The following OR5P3 variants were observed in gnomAD, a reference collection of about 807,000 sequenced individuals.
OR5P3 encodes olfactory receptor 5P3.
For synonymous variants in OR5P3, 172 were observed against 141.8 expected, an observed-to-expected ratio of 1.21 and a Z score of -1.51; for missense variants, 415 against 375.6, an observed-to-expected ratio of 1.10 and a Z score of -0.87.
At chr11:7,826,238 A>G (rs1360761934) in intron 1 of OR5P3, among the ~76,000 whole-genome samples, 1 of 151,404 alleles carries the variant, frequency 6.6e-6, no homozygotes, top group Non-Finnish European at 1.5e-5. Context: ...CTCGTATTGG[A>G]TGGTTAATTT....
In OR5P3 at chr11:7,825,306, T is replaced by A. The variant is rs370988647; in HGVS notation, c.667A>T (p.Ile223Phe). 1.4e-5 allele frequency: 23 copies of A among 1,613,024 alleles called. No individual in the cohort carries two copies. Among genetic ancestry groups the A allele is most frequent in the Non-Finnish European group, 1.9e-5 (23 of 1,180,032 alleles). The change falls in exon 2 of 2, where the codon ATC becomes TTC. Residue 223 changes from isoleucine to phenylalanine, a missense_variant. By Grantham distance (21) the Ile-to-Phe change is conservative. Coordinates refer to ENST00000641167, the MANE Select transcript of OR5P3 (RefSeq NM_153445.2). The stretch of plus-strand genomic sequence containing the variant: ...GTGGAGTGCATCTTCAGGATGGTGA[T>A]GAGGATATAGATGTAGGATATGGCT... Reference protein sequence around the residue: ...VIAISYIYILITILKMHSTKG... With the variant: ...VIAISYIYILFTILKMHSTKG...
chr11:7,826,240 G>A (rs1857740873), intron 1 of OR5P3, among the ~76,000 whole-genome samples: 1 of 151,678 alleles, frequency 6.6e-6, no homozygotes, highest in South Asian at 2.1e-4. Flanking sequence ...CGTATTGGAT[G>A]GTTAATTTAG....
Position 7,825,408 on chromosome 11 carries a change from A to G in OR5P3, c.565T>C (p.Cys189Arg), listed in dbSNP as rs1158149719. Residue 189 changes from cysteine (C) to arginine (R), a missense_variant, in exon 2 of 2, where the codon TGT (cysteine) becomes CGT (arginine). Physicochemically the swap from Cys to Arg is radical, Grantham distance 180. Transcript: ENST00000641167. ...ATTTCAAAAGTAAAATCATGGGAAC[A>G]AGCAAGCTTCAAAAGTGGTGAATAG... ...CDYSPLLKLA[C>R]SHDFTFEIIP... The G allele has an allele frequency of 3.7e-6, 6 of 1,613,278 alleles. No individual in the cohort carries two copies. The East Asian group carries it at 8.9e-5, about 24-fold the overall frequency.
intron 1 of OR5P3, among the ~76,000 whole-genome samples, chr11:7,828,902 G>C (rs1243976091): frequency 6.6e-6 from 1 of 152,124 alleles, no homozygotes; most frequent in East Asian, 1.9e-4. Context: ...GCTAGAAATA[G>C]AGAACATCTT....
intron 1 of OR5P3, among the ~76,000 whole-genome samples, chr11:7,826,483 A>C (rs552908608): frequency 5.9e-5 from 9 of 152,222 alleles, no homozygotes; most frequent in Non-Finnish European, 1.5e-5. Flanking sequence ...GATTAGCTGC[A>C]TGCTAATCCA....
Position 7,824,922 on chromosome 11 carries a change from T to C in OR5P3, c.*115A>G. ...CTTCCCTCCTGATTGACTAAAAAGC[T>C]CCACACTGGGTAATGGTCTATGGAC... On this transcript the variant is annotated 3_prime_UTR_variant, in exon 2 of 2. Coordinates refer to ENST00000641167, the MANE Select transcript of OR5P3 (RefSeq NM_153445.2). 1.5e-6 allele frequency: 1 copy of C among 688,686 alleles called. No homozygotes were observed. Among genetic ancestry groups the C allele is most frequent in the East Asian group, 3.1e-5 (1 of 32,180 alleles). 42.7% of individuals were successfully genotyped at this position (688,686 alleles called of 1,614,324 possible).
Position 7,825,348 on chromosome 11 carries a change from C to T in OR5P3, c.625G>A (p.Ala209Thr), listed in dbSNP as rs376020753. The change falls in exon 2 of 2, where the codon GCC becomes ACC. Residue 209 changes from alanine to threonine, a missense_variant. Coordinates refer to ENST00000641167, the MANE Select transcript of OR5P3 (RefSeq NM_153445.2). ...GATATGGCTATGACACACACAGTGG[C>T]CACAATGATAGATCCAGAAGAGATA... Reference protein sequence around the residue: ...PAISSGSIIVATVCVIAISYI... With the variant: ...PAISSGSIIVTTVCVIAISYI... 4 of 1,612,872 alleles carry T rather than the reference C, an allele frequency of 2.5e-6. No homozygotes were observed. Among genetic ancestry groups the T allele is most frequent in the Non-Finnish European group, 3.4e-6 (4 of 1,180,008 alleles).
In OR5P3 at chr11:7,825,021, AAACT is replaced by A. The variant is rs765039298; in HGVS notation, c.*12_*15del. Reference sequence around the variant, plus strand: ...AGAATATTAATATATCAGATTCTTCAAACTAACTAGTTTCATCAAGAAAATATTT... The same window carrying A: ...AGAATATTAATATATCAGATTCTTCAAACTAGTTTCATCAAGAAAATATTT... On this transcript the variant is annotated 3_prime_UTR_variant, in exon 2 of 2. Coordinates refer to ENST00000641167, the MANE Select transcript of OR5P3 (RefSeq NM_153445.2). 15 of 1,581,756 alleles carry A rather than the reference AAACT, an allele frequency of 9.5e-6. No individual in the cohort carries two copies. Among genetic ancestry groups the A allele is most frequent in the South Asian group, 4.5e-5 (4 of 88,426 alleles).
At chr11:7,827,068 A>G (rs1278038566) in intron 1 of OR5P3, among the ~76,000 whole-genome samples, 1 of 152,186 alleles carries the variant, frequency 6.6e-6, no homozygotes, top group Admixed American at 6.5e-5. Context: ...TAGATAATAC[A>G]CACCATTGTC....
rs750734889 is a variant in OR5P3, at chr11:7,825,469, G to A, written c.504C>T (p.Phe168=). Reference sequence around the variant, plus strand: ...AGTGATTGACTTTATTTGGCCCACAGAAGGACAGTCTTAATAAGCAGCCAA... The same window carrying A: ...AGTGATTGACTTTATTTGGCCCACAAAAGGACAGTCTTAATAAGCAGCCAA... ...TFIGCLLRLS[F]CGPNKVNHFF... Residue 168 remains phenylalanine (F), a synonymous_variant, in exon 2 of 2, where the codon TTC becomes TTT. Transcript: ENST00000641167. 7.4e-6 allele frequency: 12 copies of A among 1,613,304 alleles called. No individual in the cohort carries two copies. In the East Asian group the frequency reaches 2.7e-4, roughly 36 times the overall value.
At position 7,826,002 on chromosome 11, in the gene OR5P3, AAAAC is replaced by A; in HGVS notation, c.-21-13_-21-10del. 2 of 1,144,922 alleles carry A rather than the reference AAAAC, an allele frequency of 1.7e-6. No individual in the cohort carries two copies. Among genetic ancestry groups the A allele is most frequent in the Non-Finnish European group, 2.5e-6 (2 of 800,300 alleles). The allele number at this position is 1,144,922 out of a possible 1,614,324, so 70.9% of individuals were successfully genotyped here. On this transcript the variant is annotated splice_polypyrimidine_tract_variant and intron_variant, in intron 1 of 1. Coordinates refer to ENST00000641167, the MANE Select transcript of OR5P3 (RefSeq NM_153445.2). ...ATTGGGAATGGTGCCAACTGAAAGA[AAAAC>A]AAATGAATATTATAATGGGATTAAA...
chr11:7,825,528 A>G lies in OR5P3; in HGVS notation c.445T>C (p.Tyr149His), dbSNP rs1185532286. The change falls in exon 2 of 2, where the codon TAC becomes CAC. Residue 149 changes from tyrosine to histidine, a missense_variant. By Grantham distance (83) the Tyr-to-His change is moderately conservative. Coordinates refer to ENST00000641167, the MANE Select transcript of OR5P3 (RefSeq NM_153445.2). ...GVCIILVGMS[Y>H]LGGCVNAWTF... Reference sequence around the variant, plus strand: ...CAAGCATTCACACATCCACCCAGGTAGGACATGCCCACTAAGATGATGCAG... The same window carrying G: ...CAAGCATTCACACATCCACCCAGGTGGGACATGCCCACTAAGATGATGCAG... 3.1e-6 allele frequency: 5 copies of G among 1,613,174 alleles called. No homozygotes were observed. Among genetic ancestry groups the G allele is most frequent in the Non-Finnish European group, 4.2e-6 (5 of 1,180,044 alleles).
chr11:7,825,781 G>A lies in OR5P3; in HGVS notation c.192C>T (p.Cys64=). 6.2e-7 allele frequency: 1 copy of A among 1,613,216 alleles called. No individual in the cohort carries two copies. Among genetic ancestry groups the A allele is most frequent in the Admixed American group, 1.7e-5 (1 of 59,976 alleles). The part of the protein sequence containing the change: ...HLHTPMYIFL[C]HLAFVDIGYS... ...ACCCAATGTCTACAAAGGCCAAATG[G>A]CAGAGGAAAATGTACATGGGTGTAT... is the stretch of plus-strand genomic sequence containing the variant. The change falls in exon 2 of 2, where the codon TGC becomes TGT. Residue 64 remains cysteine (C), a synonymous_variant. Transcript: ENST00000641167.
chr11:7,825,038 C>A lies in OR5P3; in HGVS notation c.935G>T (p.Ter312LeuextTer1), dbSNP rs762700629. 4.3e-6 allele frequency: 7 copies of A among 1,610,150 alleles called. No homozygotes were observed. Among genetic ancestry groups the A allele is most frequent in the Non-Finnish European group, 5.9e-6 (7 of 1,178,056 alleles). ...GATTCTTCAAACTAACTAGTTTCATCAAGAAAATATTTTTATTCTAAGCTC... is the reference window on the plus strand; with the variant it reads ...GATTCTTCAAACTAACTAGTTTCATAAAGAAAATATTTTTATTCTAAGCTC... ...KRELRIKIFS[*>L] Residue 312 changes from the stop codon to leucine, a stop_lost, in exon 2 of 2, where the codon TGA (stop) becomes TTA (leucine). Transcript: ENST00000641167.
chr11:7,825,584 A>G lies in OR5P3; in HGVS notation c.389T>C (p.Leu130Pro), dbSNP rs1333807713. The G allele has an allele frequency of 1.9e-6, 3 of 1,613,180 alleles. No individual in the cohort carries two copies. Among genetic ancestry groups the G allele is most frequent in the Non-Finnish European group, 2.5e-6 (3 of 1,180,022 alleles). The change falls in exon 2 of 2, where the codon CTG becomes CCG. Residue 130 changes from leucine (L) to proline (P), a missense_variant. Coordinates refer to ENST00000641167, the MANE Select transcript of OR5P3 (RefSeq NM_153445.2). ...AGGGGACATGCAGGTAGAGTAGAGC[A>G]GGGGTGAGCAGATGGCCACATAGCG... ...YDRYVAICSPLLYSTCMSPGV... is the reference protein window; with the variant it reads ...YDRYVAICSPPLYSTCMSPGV...
chr11:7,829,453 T>A (rs1306873469), intron 1 of OR5P3, among the ~76,000 whole-genome samples: 2 of 152,002 alleles, frequency 1.3e-5, no homozygotes, highest in East Asian at 3.9e-4. Context: ...AACTGCTCAA[T>A]ACATGGGAGA....
chr11:7,828,951 C>T (rs573643503), intron 1 of OR5P3, among the ~76,000 whole-genome samples: 3 of 151,948 alleles, frequency 2.0e-5, no homozygotes, highest in East Asian at 1.9e-4. Flanking sequence ...AGATATTATA[C>T]AAAATGTTTA....
chr11:7,825,729 G>A lies in OR5P3; in HGVS notation c.244C>T (p.Leu82Phe), dbSNP rs1452427920. The change falls in exon 2 of 2, where the codon CTC becomes TTC. Residue 82 changes from leucine to phenylalanine, a missense_variant. By Grantham distance (22) the Leu-to-Phe change is conservative. Coordinates refer to ENST00000641167, the MANE Select transcript of OR5P3 (RefSeq NM_153445.2). ...GTTTCTTTCCTTAGGAAGCTCATGA[G>A]CATGACAGGTGTGACTGATGAGGAG... ...GYSSSVTPVM[L>F]MSFLRKETSL... 6.2e-7 allele frequency: 1 copy of A among 1,613,296 alleles called. No individual in the cohort carries two copies.
Position 7,830,831 on chromosome 11 carries a change from T to C in OR5P3, c.-29A>G, listed in dbSNP as rs982904916. On this transcript the variant is annotated 5_prime_UTR_variant, in exon 1 of 2. Coordinates refer to ENST00000641167, the MANE Select transcript of OR5P3 (RefSeq NM_153445.2). ...GAAAAGGGAAATTATTACCTGCAGA[T>C]GAATGTACATCAGCAATAATAACAA... 10 of 152,110 alleles carry C rather than the reference T, an allele frequency of 6.6e-5. No individual in the cohort carries two copies. Among genetic ancestry groups the C allele is most frequent in the African/African-American group, 2.2e-4 (9 of 41,432 alleles). The allele number at this position is 152,110 out of a possible 1,614,324, so 9.4% of individuals were successfully genotyped here. A position where few individuals can be genotyped will look rare whatever the true frequency, so the allele number is the denominator to read the frequency against.
Sources: gnomAD v4.1 joint callset for allele counts (sites outside exome capture counted in the v4.1 genomes callset) on GRCh38, gnomAD v4.1.1 for gene constraint, MANE v1.5 for transcripts, NCBI Gene and HGNC (gene_info 2026-07-23, HGNC 2026-07-21) for gene names.